The following AJAP1 variants were observed in gnomAD, a reference collection of about 807,000 sequenced individuals.
AJAP1 encodes the protein adherens junctions associated protein 1, also known as adherens junction-associated protein 1.
Under a neutral mutation model 35.0 loss-of-function variants are expected in AJAP1, and 5 were observed. The ratio of observed to expected loss-of-function variants is 0.14; its 90% CI spans 0.07 to 0.30. AJAP1 has a LOEUF of 0.30. Ranked by LOEUF, AJAP1 falls within the 10% of genes least tolerant of loss-of-function variation. The pLI is 1.00. For synonymous variants in AJAP1, 284 were observed against 249.3 expected (o/e 1.14, Z -1.31); for missense variants, 586 against 571.0 (o/e 1.03, Z -0.27).
intron 2 of AJAP1, among the ~76,000 whole-genome samples, chr1:4,744,492 G>A (rs396199): frequency 0.31 from 46,745 of 152,014 alleles, 7,590 homozygotes; most frequent in African/African-American, 0.37. Flanking sequence ...CAGAAAGACA[G>A]GGCAGGATCC....
At chr1:4,717,081 G>A (rs920936946) in intron 2 of AJAP1, among the ~76,000 whole-genome samples, 6 of 152,206 alleles carry the variant, frequency 3.9e-5, no homozygotes, top group African/African-American at 1.4e-4. Flanking sequence ...AGCCTTCTAT[G>A]ACAGCTCTCT....
chr1:4,654,922 T>G lies in AJAP1; in HGVS notation c.-504T>G, dbSNP rs1457758328. The G allele has an allele frequency of 6.7e-5, 10 of 149,504 alleles. No homozygotes were observed. The South Asian group carries it at 2.1e-3, about 31-fold the overall frequency. 9.3% of individuals were successfully genotyped at this position (149,504 alleles called of 1,614,324 possible). A position where few individuals can be genotyped will look rare whatever the true frequency, so the allele number is the denominator to read the frequency against. ...GCAGCGCGGAGGGGACTCGCGTCCG[T>G]CCGCGTCGCGTCACCCCAAACCCTA... On this transcript the variant is annotated 5_prime_UTR_variant, in exon 1 of 6. Coordinates refer to ENST00000378191, the MANE Select transcript of AJAP1 (RefSeq NM_018836.4). This position sits in a 1 kb window ranked among gnomAD's most constrained non-coding sequence, Gnocchi z 5.1.
rs1638830257 is a variant in AJAP1 at position 4,654,676 on chromosome 1, CG to C, written c.-746del. ...CGGCGGGCGCGGTGGGCGCGGGCGG[CG>C]GGGCCCCGGGATCCCCGCGCGCCTC... On this transcript the variant is annotated 5_prime_UTR_variant, in exon 1 of 6. Transcript: ENST00000378191. This position sits in a 1 kb window ranked among gnomAD's most constrained non-coding sequence, Gnocchi z 5.1. 1 of 146,704 alleles carries C rather than the reference CG, an allele frequency of 6.8e-6. No individual in the cohort carries two copies. Among genetic ancestry groups the C allele is most frequent in the African/African-American group, 2.5e-5 (1 of 40,742 alleles). 9.1% of individuals were successfully genotyped at this position (146,704 alleles called of 1,614,324 possible). A position where few individuals can be genotyped will look rare whatever the true frequency, so the allele number is the denominator to read the frequency against.
intron 2 of AJAP1, among the ~76,000 whole-genome samples, chr1:4,746,320 C>T (rs939933792): frequency 9.9e-5 from 15 of 152,284 alleles, no homozygotes; most frequent in African/African-American, 1.9e-4. Context: ...CCCTGAGTCC[C>T]AGGCAATTGA....
intron 1 of AJAP1, among the ~76,000 whole-genome samples, chr1:4,694,370 A>G (rs1273369521): frequency 3.9e-5 from 6 of 152,202 alleles, no homozygotes; most frequent in Non-Finnish European, 8.8e-5. Context: ...TCTCTGACAC[A>G]TGAAGGAAAG....
At chr1:4,724,060 T>C (rs1640589581) in intron 2 of AJAP1, among the ~76,000 whole-genome samples, 1 of 152,170 alleles carries the variant, frequency 6.6e-6, no homozygotes, top group Non-Finnish European at 1.5e-5. Context: ...GAGCCTGTGA[T>C]AGTTGGAGGA....
chr1:4,682,232 T>C (rs1639499207), intron 1 of AJAP1, among the ~76,000 whole-genome samples: 1 of 152,224 alleles, frequency 6.6e-6, no homozygotes, highest in South Asian at 2.1e-4. Context: ...CAGGCTGTGC[T>C]GCCCATCGAT....
intron 2 of AJAP1, among the ~76,000 whole-genome samples, chr1:4,752,855 G>T (rs1641349009): frequency 6.6e-6 from 1 of 152,220 alleles, no homozygotes; most frequent in African/African-American, 2.4e-5. Flanking sequence ...CAAAGACTGG[G>T]TCCTCTAGGG....
intron 2 of AJAP1, among the ~76,000 whole-genome samples, chr1:4,732,652 G>C (rs1557630746): frequency 6.6e-6 from 1 of 152,274 alleles, no homozygotes; most frequent in African/African-American, 2.4e-5. Flanking sequence ...AGGCAGGTGA[G>C]AGCGGCTTCA....
chr1:4,748,586 A>T (rs1000419798), intron 2 of AJAP1, among the ~76,000 whole-genome samples: 2 of 151,992 alleles, frequency 1.3e-5, no homozygotes, highest in Non-Finnish European at 2.9e-5. Context: ...TGTCTCTACT[A>T]AAAATGCAAA....
In AJAP1 at chr1:4,712,759, C is replaced by T. The variant is rs371959968; in HGVS notation, c.829+60C>T. 21 of 1,454,610 alleles carry T rather than the reference C, an allele frequency of 1.4e-5. No homozygotes were observed. The South Asian group carries it at 1.9e-4, about 13-fold the overall frequency. The allele number at this position is 1,454,610 out of a possible 1,614,324, so 90.1% of individuals were successfully genotyped here. On this transcript the variant is annotated intron_variant, in intron 2 of 5. Transcript: ENST00000378191. ...GGGGTTGAGGGCTGGGAGCGTGACTCGGGAGAGATGCTTAGATGTCCCTGG... is the reference window on the plus strand; with the variant it reads ...GGGGTTGAGGGCTGGGAGCGTGACTTGGGAGAGATGCTTAGATGTCCCTGG...
In AJAP1 at chr1:4,734,911, C is replaced by T. The variant is rs115854566; in HGVS notation, c.829+22212C>T. On this transcript the variant is annotated intron_variant, in intron 2 of 5. Transcript: ENST00000378191. This position sits in a 1 kb window ranked among gnomAD's most constrained non-coding sequence, Gnocchi z 4.3. ...AGCCTCCATCTGGCTTTCTGTCCAC[C>T]GGCACAGATGGCAATGTTGTTTCTC... is the stretch of plus-strand genomic sequence containing the variant. Among the ~76,000 whole-genome samples, 709 of 152,320 alleles carry T rather than the reference C, an allele frequency of 4.7e-3. 7 individuals are homozygous for T. The highest frequency in any genetic ancestry group is 0.016 in the African/African-American group (676 of 41,570).
At chr1:4,667,017 TG>T (rs1639144418) in intron 1 of AJAP1, among the ~76,000 whole-genome samples, 1 of 151,698 alleles carries the variant, frequency 6.6e-6, no homozygotes, top group Admixed American at 6.6e-5. Context: ...CCGTGAATCA[TG>T]GGAGCTGCGT....
Position 4,743,986 on chromosome 1 carries a change from G to GT in AJAP1, c.830-25861dup, listed in dbSNP as rs918980050. Among the ~76,000 whole-genome samples, 10 of 152,190 alleles carry GT rather than the reference G, an allele frequency of 6.6e-5. 1 individual carries two copies. The highest frequency in any genetic ancestry group is 1.5e-4 in the Non-Finnish European group (10 of 68,046). ...GGATGCGGAGGTGAAGTGATGTGGT[G>GT]TTTTTTATCTGGGAGAGAGCTGGGA... On this transcript the variant is annotated intron_variant, in intron 2 of 5. Coordinates refer to ENST00000378191, the MANE Select transcript of AJAP1 (RefSeq NM_018836.4).
intron 1 of AJAP1, among the ~76,000 whole-genome samples, chr1:4,695,455 T>TC (rs34066482): frequency 6.6e-6 from 1 of 152,226 alleles, no homozygotes; most frequent in Non-Finnish European, 1.5e-5. Flanking sequence ...TTGTGAGTGT[T>TC]CCCTGCAAAC....
At chr1:4,662,397 G>T (rs376647159) in intron 1 of AJAP1, among the ~76,000 whole-genome samples, 1 of 152,110 alleles carries the variant, frequency 6.6e-6, no homozygotes, top group Non-Finnish European at 1.5e-5. Flanking sequence ...GTGTGTCTAC[G>T]CAGTAGCTTG....
chr1:4,718,575 CG>C (rs1557624520), intron 2 of AJAP1, among the ~76,000 whole-genome samples: 1 of 151,682 alleles, frequency 6.6e-6, no homozygotes, highest in African/African-American at 2.4e-5. Flanking sequence ...CTCTGCCTCT[CG>C]GGTTCAAGCA....
At chr1:4,714,622 G>A (rs1017875185) in intron 2 of AJAP1, among the ~76,000 whole-genome samples, 13 of 152,176 alleles carry the variant, frequency 8.5e-5, no homozygotes, top group Non-Finnish European at 1.6e-4. Context: ...TCTTGGAAGC[G>A]ATTTATGGTT....
chr1:4,727,060 G>T (rs1640680175), intron 2 of AJAP1, among the ~76,000 whole-genome samples: 1 of 152,256 alleles, frequency 6.6e-6, no homozygotes, highest in African/African-American at 2.4e-5. Context: ...TGTGGCAGCA[G>T]GTTGCCATTG....
Sources: allele counts gnomAD v4.1 joint callset (sites outside exome capture counted in the v4.1 genomes callset), GRCh38; gene constraint gnomAD v4.1.1; non-coding constraint Gnocchi (gnomAD v3.1); transcripts MANE v1.5; gene names NCBI Gene and HGNC (gene_info 2026-07-23, HGNC 2026-07-21).